Variants in ZFPM1 observed in about 807,000 individuals in gnomAD.
ZFPM1 encodes the protein zinc finger protein, FOG family member 1, also known as zinc finger protein ZFPM1.
A neutral mutation model predicts 46.3 loss-of-function variants in ZFPM1; 28 were observed. That is an observed-to-expected ratio of 0.60 (90% CI 0.45 to 0.83). The LOEUF (loss-of-function observed/expected upper bound fraction) is 0.83. Among genes scored for constraint, ZFPM1 ranks in the 40% least tolerant of loss-of-function variants. The pLI is 0.00. For synonymous variants in ZFPM1, 957 were observed against 675.9 expected, an observed-to-expected ratio of 1.42 and a Z score of -6.45; for missense variants, 1,878 against 1,432.4, an observed-to-expected ratio of 1.31 and a Z score of -5.02.
chr16:88,474,963 T>C (rs1204766578), intron 1 of ZFPM1, among the ~76,000 whole-genome samples: 1 of 152,232 alleles, frequency 6.6e-6, no homozygotes, highest in Non-Finnish European at 1.5e-5. Flanking sequence ...AGTCGCCAGC[T>C]AGATTCCACT....
In ZFPM1 at chr16:88,495,129, G is replaced by A. The variant is rs143623762; in HGVS notation, c.268+5976G>A. On this transcript the variant is annotated intron_variant, in intron 3 of 9. Transcript: ENST00000319555. ...CACTCCTGCCTCGGAAAATGGAGGCGCTCAGACGTGCCAGCCCCACTAGGA... is the reference window on the plus strand; with the variant it reads ...CACTCCTGCCTCGGAAAATGGAGGCACTCAGACGTGCCAGCCCCACTAGGA... Among the ~76,000 whole-genome samples, 212 of 152,332 alleles carry A rather than the reference G, an allele frequency of 1.4e-3. 3 individuals carry two copies. In the East Asian group the frequency reaches 0.025, roughly 18 times the overall value.
rs1470580472 is a variant in ZFPM1 at position 88,532,062 on chromosome 16, C to T, written c.773C>T (p.Ala258Val). 6.2e-7 allele frequency: 1 copy of T among 1,612,364 alleles called. No individual in the cohort carries two copies. The highest frequency in any genetic ancestry group is 8.5e-7 in the Non-Finnish European group (1 of 1,179,634). Reference sequence around the variant, plus strand: ...TACCGCAGCGAGCGCAACCTGCAGGCGCACCTGCTCTACTACTGCGCCAGC... The same window carrying T: ...TACCGCAGCGAGCGCAACCTGCAGGTGCACCTGCTCTACTACTGCGCCAGC... Reference protein sequence around the residue: ...IWYRSERNLQAHLLYYCASRQ... With the variant: ...IWYRSERNLQVHLLYYCASRQ... The change falls in exon 7 of 10, where the codon GCG becomes GTG. Residue 258 changes from alanine to valine, a missense_variant. By Grantham distance (64) the Ala-to-Val change is moderately conservative. Transcript: ENST00000319555.
chr16:88,525,717 C>T (rs1300435452), intron 4 of ZFPM1, among the ~76,000 whole-genome samples: 2 of 152,188 alleles, frequency 1.3e-5, no homozygotes, highest in East Asian at 3.9e-4. Flanking sequence ...ACCATTTTCT[C>T]CCCTTGATGT....
At chr16:88,490,414 AGAGCGCGCAAGCG>A in intron 3 of ZFPM1, among the ~76,000 whole-genome samples, 1 of 152,356 alleles carries the variant, frequency 6.6e-6, no homozygotes, top group South Asian at 2.1e-4. Context: ...TGGCCGATGC[AGAGCGCGCAAGCG>A]GCCGTAATGA....
At chr16:88,465,740 C>G (rs75156893) in intron 1 of ZFPM1, among the ~76,000 whole-genome samples, 3,532 of 152,362 alleles carry the variant, frequency 0.023, 129 homozygotes, top group African/African-American at 0.081. Context: ...GCTGCTGCAC[C>G]TGACAGCTGC....
intron 1 of ZFPM1, among the ~76,000 whole-genome samples, chr16:88,458,180 A>G (rs1192777940): frequency 6.6e-6 from 1 of 152,206 alleles, no homozygotes; most frequent in Non-Finnish European, 1.5e-5. Flanking sequence ...TGTGTCCGTG[A>G]GCACCGCGCT....
rs1267409218 is a variant in ZFPM1, at chr16:88,528,629, T to A, written c.712+391T>A. ...GGGCCAGGTCACTCCACAGTGGAGG[T>A]GTCCCTGGACACCACGGGGGGTGAG... On this transcript the variant is annotated intron_variant, in intron 6 of 9. Coordinates refer to ENST00000319555, the MANE Select transcript of ZFPM1 (RefSeq NM_153813.3). 2.6e-5 allele frequency among the ~76,000 whole-genome samples: 4 copies of A among 152,022 alleles called. No homozygotes were observed. The East Asian group carries it at 7.7e-4, about 29-fold the overall frequency.
At chr16:88,516,158 C>T (rs541327135) in intron 4 of ZFPM1, 3 of 398,628 alleles carry the variant, frequency 7.5e-6, no homozygotes, top group South Asian at 1.3e-4. Context: ...TGCCCAAATA[C>T]CCAGGATCAA....
At chr16:88,496,218 G>C (rs1364215422) in intron 3 of ZFPM1, among the ~76,000 whole-genome samples, 1 of 152,172 alleles carries the variant, frequency 6.6e-6, no homozygotes, top group African/African-American at 2.4e-5. Context: ...TTTTCCATGA[G>C]GAGGGACCAG....
chr16:88,473,744 T>G (rs1353433447), intron 1 of ZFPM1, among the ~76,000 whole-genome samples: 1 of 152,112 alleles, frequency 6.6e-6, no homozygotes, highest in African/African-American at 2.4e-5. Flanking sequence ...TCCTCCTCCC[T>G]GGGCCTCCGG....
chr16:88,459,605 C>G (rs1423268671), intron 1 of ZFPM1, among the ~76,000 whole-genome samples: 5 of 115,196 alleles, frequency 4.3e-5, no homozygotes, highest in African/African-American at 1.7e-4. Flanking sequence ...CCTCTTTCTC[C>G]TCCCCCTCCT....
intron 2 of ZFPM1, among the ~76,000 whole-genome samples, chr16:88,488,408 C>A (rs919132368): frequency 1.3e-5 from 2 of 152,250 alleles, no homozygotes; most frequent in Non-Finnish European, 2.9e-5. Flanking sequence ...GAGCTGTCTG[C>A]CGCTTGGCGG....
intron 6 of ZFPM1, among the ~76,000 whole-genome samples, chr16:88,529,181 G>A (rs1017977105): frequency 1.2e-4 from 18 of 152,056 alleles, no homozygotes; most frequent in South Asian, 2.1e-4. Flanking sequence ...CAAGGACAGC[G>A]CGTGGCCATC....
At chr16:88,490,000 T>C (rs910193373) in intron 3 of ZFPM1, among the ~76,000 whole-genome samples, 8 of 141,592 alleles carry the variant, frequency 5.7e-5, no homozygotes, top group Non-Finnish European at 1.1e-4. Context: ...AGGGACAGCG[T>C]GGGGAGGGGC....
intron 1 of ZFPM1, among the ~76,000 whole-genome samples, chr16:88,459,738 C>T (rs1200620181): frequency 8.9e-5 from 6 of 67,546 alleles, no homozygotes; most frequent in Non-Finnish European, 1.8e-4. Flanking sequence ...TCCCCCTCTT[C>T]CTCCTCCTCC....
chr16:88,511,385 T>A (rs1434413474), intron 3 of ZFPM1, among the ~76,000 whole-genome samples: 4 of 152,168 alleles, frequency 2.6e-5, no homozygotes, highest in African/African-American at 9.6e-5. Flanking sequence ...GGCTTCCTGG[T>A]GGTGGGGTTG....
chr16:88,468,432 G>A (rs1190205204), intron 1 of ZFPM1, among the ~76,000 whole-genome samples: 1 of 152,208 alleles, frequency 6.6e-6, no homozygotes, highest in African/African-American at 2.4e-5. Flanking sequence ...GCCCCCACAG[G>A]AGAAAAGAGG....
rs762045373 is a variant in ZFPM1 at position 88,532,895 on chromosome 16, C to T, written c.1149C>T (p.Tyr383=). ...VCQPGSKGEI[Y]SPGAGHPATK... ...AGCCTGGCTCCAAGGGTGAGATCTA[C>T]TCGCCAGGGGCCGGACACCCAGCAA... The change falls in exon 9 of 10, where the codon TAC becomes TAT. Residue 383 remains tyrosine, a synonymous_variant. Coordinates refer to ENST00000319555, the MANE Select transcript of ZFPM1 (RefSeq NM_153813.3). 2 of 1,613,210 alleles carry T rather than the reference C, an allele frequency of 1.2e-6. No individual in the cohort carries two copies. The highest frequency in any genetic ancestry group is 2.2e-5 in the East Asian group (1 of 44,892).
intron 1 of ZFPM1, among the ~76,000 whole-genome samples, chr16:88,467,565 G>A (rs993293931): frequency 7.9e-5 from 12 of 152,234 alleles, no homozygotes; most frequent in African/African-American, 2.7e-4. Flanking sequence ...TGTAGACCGC[G>A]AGACCTGCCT....
Sources: gnomAD v4.1 joint callset for allele counts (sites outside exome capture counted in the v4.1 genomes callset) on GRCh38, gnomAD v4.1.1 for gene constraint, MANE v1.5 for transcripts, NCBI Gene and HGNC (gene_info 2026-07-23, HGNC 2026-07-21) for gene names.